ANKRD11: variants seen among roughly 807,000 people sequenced by gnomAD.
ANKRD11 encodes the protein ankyrin repeat domain 11, also known as ankyrin repeat domain-containing protein 11.
ANKRD11 carries 17 observed loss-of-function variants against 195.7 expected under a neutral mutation model. The ratio of observed to expected loss-of-function variants is 0.09; its 90% confidence interval spans 0.06 to 0.13. The LOEUF is 0.13. Among genes scored for constraint, ANKRD11 ranks in the 10% least tolerant of loss-of-function variants. The pLI is 1.00. For synonymous variants in ANKRD11, 1,953 were observed against 1,528.1 expected (o/e 1.28, Z -6.49); for missense variants, 3,735 against 3,566.1 (o/e 1.05, Z -1.21).
At chr16:89,417,616 T>C (rs2042360046) in intron 2 of ANKRD11, among the ~76,000 whole-genome samples, 1 of 151,972 alleles carries the variant, frequency 6.6e-6, no homozygotes, top group South Asian at 2.1e-4. Flanking sequence ...TACACACTGG[T>C]CTCCAGCTCC....
At chr16:89,398,327 TGAAGA>T (rs2041546068) in intron 2 of ANKRD11, among the ~76,000 whole-genome samples, 2 of 128,534 alleles carry the variant, frequency 1.6e-5, no homozygotes, top group Non-Finnish European at 3.4e-5. Flanking sequence ...GTGAAACAGC[TGAAGA>T]CTACCTGTGA....
chr16:89,410,636 C>T (rs1276406484), intron 2 of ANKRD11, among the ~76,000 whole-genome samples: 1 of 152,210 alleles, frequency 6.6e-6, no homozygotes, highest in Non-Finnish European at 1.5e-5. Context: ...GTGCTGACAC[C>T]ATCAGATATG....
At chr16:89,313,997 A>C (rs1348107414) in intron 3 of ANKRD11, among the ~76,000 whole-genome samples, 1 of 152,232 alleles carries the variant, frequency 6.6e-6, no homozygotes, top group Non-Finnish European at 1.5e-5. Flanking sequence ...GCGGAAGCTG[A>C]AGGATCACTT....
At chr16:89,432,976 CT>C (rs1207468184) in intron 1 of ANKRD11, among the ~76,000 whole-genome samples, 30 of 146,012 alleles carry the variant, frequency 2.1e-4, no homozygotes, top group East Asian at 5.9e-4. Context: ...CTCTCTCTCT[CT>C]CTCTCTCTCT....
intron 4 of ANKRD11, chr16:89,301,011 A>T: frequency 8.0e-6 from 5 of 623,648 alleles, no homozygotes; most frequent in Non-Finnish European, 1.5e-5. Flanking sequence ...GGCGCAGGAG[A>T]AACAGCGGGG....
chr16:89,394,979 G>A (rs929558091), intron 2 of ANKRD11, among the ~76,000 whole-genome samples: 1 of 152,178 alleles, frequency 6.6e-6, no homozygotes, highest in African/African-American at 2.4e-5. Context: ...CTGTTAAAAA[G>A]ATCTCCAAAC....
chr16:89,316,061 T>G (rs2036936946), intron 3 of ANKRD11, among the ~76,000 whole-genome samples: 1 of 150,830 alleles, frequency 6.6e-6, no homozygotes, highest in African/African-American at 2.4e-5. Flanking sequence ...CCTGCCACAC[T>G]GGCCAAGAAG....
At chr16:89,441,753 C>T (rs981732988) in intron 1 of ANKRD11, among the ~76,000 whole-genome samples, 9 of 121,550 alleles carry the variant, frequency 7.4e-5, no homozygotes, top group African/African-American at 2.0e-4. Context: ...GGCAACAGAG[C>T]GAGACTCCGC....
rs915766704 is a variant in ANKRD11, at chr16:89,444,173, G to C, written c.-144-25805C>G. On this transcript the variant is annotated intron_variant, in intron 1 of 12. Coordinates refer to ENST00000301030, the MANE Select transcript of ANKRD11 (RefSeq NM_013275.6). ...TAAAATACTAGTAAGACTCAAAACAGGTAGATACTGATATGCAAGTTTTAA... is the reference window on the plus strand; with the variant it reads ...TAAAATACTAGTAAGACTCAAAACACGTAGATACTGATATGCAAGTTTTAA... Among the ~76,000 whole-genome samples, 4 of 152,056 alleles carry C rather than the reference G, an allele frequency of 2.6e-5. No individual in the cohort carries two copies. In the East Asian group the frequency reaches 7.7e-4, roughly 29 times the overall value.
At chr16:89,366,653 G>C (rs1567706416) in intron 2 of ANKRD11, among the ~76,000 whole-genome samples, 1 of 152,150 alleles carries the variant, frequency 6.6e-6, no homozygotes, top group Admixed American at 6.5e-5. Context: ...GCTGTTTCCT[G>C]TATCTGTCAT....
chr16:89,490,394 G>A lies in ANKRD11; in HGVS notation c.-294C>T. The A allele has an allele frequency of 4.4e-6, 1 of 226,048 alleles. No homozygotes were observed. The highest frequency in any genetic ancestry group is 8.6e-6 in the Non-Finnish European group (1 of 116,716). The allele number at this position is 226,048 out of a possible 1,614,324, so 14.0% of individuals were successfully genotyped here. Reference sequence around the variant, plus strand: ...GCGGGCTCGGGCCCGGCAGAGCTGCGAGGGACGGCGGGAGGCGAGCCCGCC... The same window carrying A: ...GCGGGCTCGGGCCCGGCAGAGCTGCAAGGGACGGCGGGAGGCGAGCCCGCC... On this transcript the variant is annotated 5_prime_UTR_variant, in exon 1 of 13. Coordinates refer to ENST00000301030, the MANE Select transcript of ANKRD11 (RefSeq NM_013275.6).
At chr16:89,331,821 C>T (rs575290186) in intron 2 of ANKRD11, among the ~76,000 whole-genome samples, 4 of 152,108 alleles carry the variant, frequency 2.6e-5, no homozygotes, top group Admixed American at 2.0e-4. Context: ...GTCTAAGATA[C>T]GGTGATGGTT....
chr16:89,488,723 G>C (rs1031241157), intron 1 of ANKRD11, among the ~76,000 whole-genome samples: 21 of 152,098 alleles, frequency 1.4e-4, no homozygotes, highest in African/African-American at 5.1e-4. Flanking sequence ...ATCCCAAAAA[G>C]GATCAAAAGA....
intron 2 of ANKRD11, among the ~76,000 whole-genome samples, chr16:89,353,238 A>C (rs1277487053): frequency 6.6e-6 from 1 of 151,828 alleles, no homozygotes; most frequent in Non-Finnish European, 1.5e-5. Context: ...GCTACTCAGG[A>C]GGCTGAGGCA....
chr16:89,356,797 A>G (rs12928023), intron 2 of ANKRD11, among the ~76,000 whole-genome samples: 1 of 147,432 alleles, frequency 6.8e-6, no homozygotes, highest in Non-Finnish European at 1.5e-5. Context: ...AAAAAAAAAG[A>G]AAAAAGAAAA....
intron 1 of ANKRD11, among the ~76,000 whole-genome samples, chr16:89,456,697 T>A (rs1215275063): frequency 2.0e-5 from 3 of 152,110 alleles, no homozygotes; most frequent in Admixed American, 1.3e-4. Context: ...AAACACGTTA[T>A]GTGAAAGAAG....
At chr16:89,319,803 G>C (rs1238660472) in intron 2 of ANKRD11, among the ~76,000 whole-genome samples, 1 of 152,242 alleles carries the variant, frequency 6.6e-6, no homozygotes, top group Non-Finnish European at 1.5e-5. Context: ...GCCCACTCTA[G>C]AGTCTTTTTC....
chr16:89,437,884 T>A (rs1320666319), intron 1 of ANKRD11, among the ~76,000 whole-genome samples: 3 of 152,224 alleles, frequency 2.0e-5, no homozygotes. Flanking sequence ...CAATGCATAA[T>A]GCAAACTAGG....
chr16:89,386,858 TGTGC>T (rs1306586888), intron 2 of ANKRD11, among the ~76,000 whole-genome samples: 2 of 152,070 alleles, frequency 1.3e-5, no homozygotes, highest in Admixed American at 6.5e-5. Flanking sequence ...GCCAGAGCTG[TGTGC>T]GAACAGACAA....
Sources: gnomAD v4.1 joint callset for allele counts (sites outside exome capture counted in the v4.1 genomes callset) on GRCh38, gnomAD v4.1.1 for gene constraint, MANE v1.5 for transcripts, NCBI Gene and HGNC (gene_info 2026-07-23, HGNC 2026-07-21) for gene names.